PDGFC: variants seen among roughly 807,000 people sequenced by gnomAD.
PDGFC encodes platelet derived growth factor C, also known as platelet-derived growth factor C.
In PDGFC, 12 loss-of-function variants were observed where a neutral mutation model predicts 35.5. The ratio of observed to expected loss-of-function variants is 0.34; its 90% CI spans 0.22 to 0.55. PDGFC has a LOEUF of 0.55. PDGFC is among the 20% of genes least tolerant of loss of function. PDGFC has a pLI of 0.91. For missense variants in PDGFC, 322 were observed against 412.4 expected (o/e 0.78, Z 1.90); for synonymous variants, 159 against 148.8 (o/e 1.07, Z -0.50).
chr4:156,780,207 A>G (rs2110843435), intron 3 of PDGFC, among the ~76,000 whole-genome samples: 1 of 151,576 alleles, frequency 6.6e-6, no homozygotes, highest in Non-Finnish European at 1.5e-5. Context: ...ATCAGTGGCA[A>G]GTGTTTGACA....
intron 2 of PDGFC, chr4:156,842,037 T>A (rs552731000): frequency 6.6e-6 from 1 of 152,164 alleles, no homozygotes; most frequent in African/African-American, 2.4e-5. Flanking sequence ...TCAGGTCCCA[T>A]GTAAAATTTC....
At chr4:156,782,013 T>C (rs1354512089) in intron 3 of PDGFC, among the ~76,000 whole-genome samples, 1 of 152,142 alleles carries the variant, frequency 6.6e-6, no homozygotes, top group Non-Finnish European at 1.5e-5. Flanking sequence ...CATGACCTCA[T>C]TAGGCAGCGT....
intron 1 of PDGFC, among the ~76,000 whole-genome samples, chr4:156,965,433 A>G (rs1385479127): frequency 2.0e-5 from 3 of 152,172 alleles, no homozygotes; most frequent in Non-Finnish European, 4.4e-5. Flanking sequence ...TTAATTAATA[A>G]ACAAGAATAT....
At chr4:156,871,188 T>C (rs1445131690) in intron 1 of PDGFC, among the ~76,000 whole-genome samples, 1 of 152,062 alleles carries the variant, frequency 6.6e-6, no homozygotes, top group Non-Finnish European at 1.5e-5. Flanking sequence ...TTAATCAGCT[T>C]ATAATGGGAA....
At chr4:156,796,136 T>C (rs1731434383) in intron 3 of PDGFC, among the ~76,000 whole-genome samples, 1 of 152,102 alleles carries the variant, frequency 6.6e-6, no homozygotes, top group African/African-American at 2.4e-5. Flanking sequence ...TAGATAAAGA[T>C]TATAAAATCA....
chr4:156,793,856 G>C (rs1731367033), intron 3 of PDGFC, among the ~76,000 whole-genome samples: 1 of 150,964 alleles, frequency 6.6e-6, no homozygotes, highest in African/African-American at 2.4e-5. Flanking sequence ...GGTTTATATA[G>C]GTAGATTCAT....
Position 156,929,339 on chromosome 4 carries a change from C to T in PDGFC, c.118+41447G>A, listed in dbSNP as rs765066210. ...AGAAATTACAGAACAAAAATGCATT[C>T]TATATCCCAACCTATCTATGTGAGA... On this transcript the variant is annotated intron_variant, in intron 1 of 5. Transcript: ENST00000502773. Among the ~76,000 whole-genome samples the T allele has an allele frequency of 2.6e-5, 4 of 151,820 alleles. No homozygotes were observed. In the South Asian group the frequency reaches 8.3e-4, roughly 32 times the overall value.
chr4:156,867,765 A>G (rs2111132796), intron 1 of PDGFC, among the ~76,000 whole-genome samples: 1 of 152,352 alleles, frequency 6.6e-6, no homozygotes, highest in East Asian at 1.9e-4. Context: ...AAAGCTCACA[A>G]AACTGAAAAT....
chr4:156,801,113 C>A (rs764065584), intron 3 of PDGFC, among the ~76,000 whole-genome samples: 9 of 152,122 alleles, frequency 5.9e-5, no homozygotes, highest in Admixed American at 2.6e-4. Flanking sequence ...TCCTTCCAGA[C>A]GTTTGCATTT....
At chr4:156,883,915 T>C (rs2111177308) in intron 1 of PDGFC, among the ~76,000 whole-genome samples, 1 of 152,320 alleles carries the variant, frequency 6.6e-6, no homozygotes, top group African/African-American at 2.4e-5. Flanking sequence ...TGAATCCATG[T>C]ATATCCTCAA....
intron 2 of PDGFC, among the ~76,000 whole-genome samples, chr4:156,820,077 T>C (rs1292212606): frequency 6.6e-6 from 1 of 152,210 alleles, no homozygotes; most frequent in Non-Finnish European, 1.5e-5. Flanking sequence ...AATTTCATGA[T>C]AAACATTGAA....
chr4:156,962,934 T>C (rs140506458), intron 1 of PDGFC, among the ~76,000 whole-genome samples: 261 of 152,236 alleles, frequency 1.7e-3, no homozygotes, highest in African/African-American at 6.0e-3. Flanking sequence ...CTAAAATGCA[T>C]CTAAATCCTG....
At chr4:156,904,244 C>T (rs191693873) in intron 1 of PDGFC, among the ~76,000 whole-genome samples, 73 of 152,010 alleles carry the variant, frequency 4.8e-4, no homozygotes, top group Admixed American at 3.7e-3. Context: ...CCTAATTTAA[C>T]GTGAAAAGTC....
chr4:156,764,464 A>ACACAC (rs1194701289), intron 5 of PDGFC, among the ~76,000 whole-genome samples: 1 of 152,216 alleles, frequency 6.6e-6, no homozygotes, highest in East Asian at 1.9e-4. Context: ...AGAGTAAGTG[A>ACACAC]CACAGCCTTT....
intron 1 of PDGFC, among the ~76,000 whole-genome samples, chr4:156,856,994 A>G (rs918637636): frequency 5.3e-5 from 8 of 151,962 alleles, no homozygotes; most frequent in African/African-American, 1.9e-4. Context: ...CCACAGTTGT[A>G]GTCATTATTT....
At chr4:156,892,472 T>C (rs2111198250) in intron 1 of PDGFC, among the ~76,000 whole-genome samples, 1 of 152,260 alleles carries the variant, frequency 6.6e-6, no homozygotes, top group Admixed American at 6.5e-5. Context: ...TTCCTGATGG[T>C]ACCACCATTT....
At chr4:156,768,511 A>G (rs1221986286) in intron 4 of PDGFC, among the ~76,000 whole-genome samples, 1 of 152,054 alleles carries the variant, frequency 6.6e-6, no homozygotes, top group African/African-American at 2.4e-5. Context: ...AAATATAAAA[A>G]AAGCATGAAG....
chr4:156,810,979 G>T lies in PDGFC; in HGVS notation c.353C>A (p.Thr118Asn). The T allele has an allele frequency of 6.3e-7, 1 of 1,594,472 alleles. No homozygotes were observed. Among genetic ancestry groups the T allele is most frequent in the Non-Finnish European group, 8.5e-7 (1 of 1,172,106 alleles). ...AGAACCACACCAGCGCCCTAATATAGTTCCATCACTGGGTTCCTCAACTTC... is the reference window on the plus strand; with the variant it reads ...AGAACCACACCAGCGCCCTAATATATTTCCATCACTGGGTTCCTCAACTTC... ...FVEVEEPSDGTILGRWCGSGT... is the reference protein window; with the variant it reads ...FVEVEEPSDGNILGRWCGSGT... Residue 118 changes from threonine (T) to asparagine (N), a missense_variant, in exon 3 of 6, where the codon ACT becomes AAT. Around this residue, in one of 2 missense-constraint regions of PDGFC, gnomAD observed 202 missense variants for 295.9 expected, o/e 0.68. Coordinates refer to ENST00000502773, the MANE Select transcript of PDGFC (RefSeq NM_016205.3).
intron 3 of PDGFC, among the ~76,000 whole-genome samples, chr4:156,809,887 T>C (rs1271485848): frequency 1.3e-5 from 2 of 151,906 alleles, no homozygotes; most frequent in African/African-American, 4.8e-5. Flanking sequence ...TTGGGATGAA[T>C]AAAACCTTTG....
Sources: gnomAD v4.1 joint callset for allele counts (sites outside exome capture counted in the v4.1 genomes callset) on GRCh38, gnomAD v4.1.1 for gene constraint, gnomAD v4.1.1 regional missense constraint, MANE v1.5 for transcripts, NCBI Gene and HGNC (gene_info 2026-07-23, HGNC 2026-07-21) for gene names.